CD99L2: variants seen among roughly 807,000 people sequenced by gnomAD.
CD99L2 encodes the protein CD99 antigen-like protein 2.
A neutral mutation model predicts 27.3 loss-of-function variants in CD99L2; 24 were observed. The observed-to-expected ratio is 0.88, with a 90% CI of 0.64 to 1.24. CD99L2 has a LOEUF of 1.24. Among genes scored for constraint, CD99L2 ranks in the 50% most tolerant of loss-of-function variants. CD99L2 has a pLI of 0.00. For missense variants in CD99L2, 255 were observed against 221.6 expected (o/e 1.15, Z -0.96); for synonymous variants, 97 against 87.9 (o/e 1.10, Z -0.58).
chrX:150,850,632 T>C (rs782586666), intron 1 of CD99L2, among the ~76,000 whole-genome samples: 1 of 112,182 alleles, frequency 8.9e-6, no homozygotes, highest in Admixed American at 9.4e-5. Context: ...GATGATCTTA[T>C]TTGTGTGAAG....
At position 150,895,994 on chromosome X, in the gene CD99L2, C is replaced by G. The variant is rs1327804245; in HGVS notation, c.67+2528G>C. Among the ~76,000 whole-genome samples the G allele has an allele frequency of 5.4e-5, 5 of 93,137 alleles. No individual in the cohort carries two copies. The Admixed American group carries it at 6.4e-4, about 12-fold the overall frequency. The allele number at this position is 93,137 out of a possible 115,157, so 80.9% of individuals were successfully genotyped here. A position where few individuals can be genotyped will look rare whatever the true frequency, so the allele number is the denominator to read the frequency against. On this transcript the variant is annotated intron_variant, in intron 1 of 10. Transcript: ENST00000370377. ...TGAGCCGAGATCGCGCCACTGCACT[C>G]TAGTCTGGGCGACATAGCAAGACTC...
In CD99L2 at chrX:150,898,646, G is replaced by A. The variant is rs1242955999; in HGVS notation, c.-58C>T. ...ACAGTTAGCGCGAGAGCGCCCGAAG[G>A]GGAGGCCGAGGAGGAGCGGGAGGAG... On this transcript the variant is annotated 5_prime_UTR_variant, in exon 1 of 11. Transcript: ENST00000370377. 9.8e-7 allele frequency: 1 copy of A among 1,015,274 alleles called. No homozygotes were observed. The highest frequency in any genetic ancestry group is 1.3e-6 in the Non-Finnish European group (1 of 779,694). The allele number at this position is 1,015,274 out of a possible 1,213,427, so 83.7% of individuals were successfully genotyped here. A position where few individuals can be genotyped will look rare whatever the true frequency, so the allele number is the denominator to read the frequency against.
intron 1 of CD99L2, among the ~76,000 whole-genome samples, chrX:150,840,322 TAC>T (rs1299224951): frequency 2.7e-5 from 3 of 112,104 alleles, no homozygotes; most frequent in African/African-American, 3.2e-5. Context: ...AGGAAATTCA[TAC>T]ACACACACAT....
At chrX:150,868,059 G>A (rs1280907145) in intron 1 of CD99L2, among the ~76,000 whole-genome samples, 1 of 103,840 alleles carries the variant, frequency 9.6e-6, no homozygotes, top group Non-Finnish European at 2.0e-5. Context: ...TCCAGCCTAG[G>A]CGACAGAGTG....
At chrX:150,811,032 T>A (rs1396538279) in intron 4 of CD99L2, among the ~76,000 whole-genome samples, 1 of 111,883 alleles carries the variant, frequency 8.9e-6, no homozygotes, top group Non-Finnish European at 1.9e-5. Context: ...TGAGACCCTG[T>A]CTCTATTAAA....
intron 1 of CD99L2, among the ~76,000 whole-genome samples, chrX:150,874,121 G>A (rs1557422255): frequency 1.8e-5 from 2 of 112,060 alleles, no homozygotes; most frequent in African/African-American, 6.5e-5. Context: ...TCTTGGCCTC[G>A]GTCTAGTGGC....
At chrX:150,773,637 A>C (rs1430172176) in intron 9 of CD99L2, among the ~76,000 whole-genome samples, 6 of 112,492 alleles carry the variant, frequency 5.3e-5, no homozygotes, top group African/African-American at 1.9e-4. Context: ...GGCCTTATTC[A>C]GGAACAGGGT....
intron 1 of CD99L2, among the ~76,000 whole-genome samples, chrX:150,877,864 GAAATAA>G (rs1276032906): frequency 1.8e-5 from 2 of 109,619 alleles, no homozygotes; most frequent in African/African-American, 6.7e-5. Context: ...AAAACTAGGA[GAAATAA>G]AAATAAAAAG....
chrX:150,851,656 G>A (rs1449818125), intron 1 of CD99L2, among the ~76,000 whole-genome samples: 4 of 112,060 alleles, frequency 3.6e-5, no homozygotes, highest in South Asian at 3.7e-4. Flanking sequence ...GGTTAAAACC[G>A]GGGCACCAGC....
chrX:150,822,535 T>A (rs1278600047), intron 2 of CD99L2, among the ~76,000 whole-genome samples: 2 of 112,002 alleles, frequency 1.8e-5, no homozygotes, highest in Non-Finnish European at 3.8e-5. Flanking sequence ...GTAGCAGATA[T>A]GTAAGATGAA....
chrX:150,824,323 GAGGAGA>G (rs1477257229), intron 2 of CD99L2, among the ~76,000 whole-genome samples: 1 of 93,710 alleles, frequency 1.1e-5, no homozygotes, highest in South Asian at 5.9e-4. Flanking sequence ...GGAGGAGGAG[GAGGAGA>G]AGAAGAAGAA....
intron 1 of CD99L2, among the ~76,000 whole-genome samples, chrX:150,848,116 C>A (rs1365797184): frequency 3.7e-5 from 4 of 107,103 alleles, no homozygotes; most frequent in Non-Finnish European, 7.7e-5. Context: ...TGCAGGCCCC[C>A]CCCCCCTTGT....
In CD99L2 at chrX:150,824,354, GGAAGAAGGAA is replaced by G. The variant is rs1477688060; in HGVS notation, c.130+6867_130+6876del. Among the ~76,000 whole-genome samples, 12 of 85,050 alleles carry G rather than the reference GGAAGAAGGAA, an allele frequency of 1.4e-4. 1 individual carries two copies. Among genetic ancestry groups the G allele is most frequent in the African/African-American group, 3.6e-4 (8 of 21,944 alleles). The allele number at this position is 85,050 out of a possible 115,157, so 73.9% of individuals were successfully genotyped here. ...AAGAAGAAGAAGAAAGAAGGAAGAA[GGAAGAAGGAA>G]GAAGAAGAAGAAGAAGAAAGAAGAA... On this transcript the variant is annotated intron_variant, in intron 2 of 10. Coordinates refer to ENST00000370377, the MANE Select transcript of CD99L2 (RefSeq NM_031462.4).
intron 1 of CD99L2, among the ~76,000 whole-genome samples, chrX:150,868,084 AAATAATAAT>A (rs781930485): frequency 0.19 from 18,556 of 96,255 alleles, 1,576 homozygotes; most frequent in African/African-American, 0.26. Context: ...TCCATCTCAA[AAATAATAAT>A]AATAATAATA....
chrX:150,776,383 A>T, intron 8 of CD99L2, 90 bp from the exon 9 acceptor site: 1 of 1,036,011 alleles, frequency 9.7e-7, no homozygotes, highest in Non-Finnish European at 1.3e-6. Context: ...CTCCTCTAGC[A>T]CCAAACTACT....
chrX:150,879,395 A>G (rs1557422423), intron 1 of CD99L2, among the ~76,000 whole-genome samples: 1 of 111,644 alleles, frequency 9.0e-6, no homozygotes, highest in Non-Finnish European at 1.9e-5. Flanking sequence ...ATAGAGCAGA[A>G]GTGTTGAATT....
rs1267385873 is a variant in CD99L2, at chrX:150,777,467, C to T, written c.512G>A (p.Gly171Asp). ...ACCAGATCCAGGGTCGTCATTGCTG[C>T]CGTACCGGCCATCACCTGAAGAAAA... ...PDKGKGDGRY[G>D]SNDDPGSGMV... Residue 171 changes from glycine to aspartate, a missense_variant, in exon 8 of 11, where the codon GGC becomes GAC. By Grantham distance (94) the Gly-to-Asp change is moderately conservative. Transcript: ENST00000370377. The T allele has an allele frequency of 5.0e-6, 6 of 1,210,165 alleles. No homozygotes were observed.
intron 7 of CD99L2, 127 bp downstream of exon 7, chrX:150,793,564 C>T: frequency 1.9e-6 from 1 of 523,672 alleles, no homozygotes; most frequent in Non-Finnish European, 3.1e-6. Flanking sequence ...CCAAATGAAC[C>T]CCAACTGGCA....
At chrX:150,859,689 G>T (rs186858178) in intron 1 of CD99L2, among the ~76,000 whole-genome samples, 405 of 108,809 alleles carry the variant, frequency 3.7e-3, no homozygotes, top group African/African-American at 0.012. Context: ...AGTACAGACG[G>T]GGTTTCACCA....
Sources: allele counts gnomAD v4.1 joint callset (sites outside exome capture counted in the v4.1 genomes callset), GRCh38; gene constraint gnomAD v4.1.1; transcripts MANE v1.5; gene names NCBI Gene and HGNC (gene_info 2026-07-23, HGNC 2026-07-21).